The following EGFR variants were observed in gnomAD, a reference collection of about 807,000 sequenced individuals.
EGFR encodes avian erythroblastic leukemia viral (v-erb-b) oncogene homolog.
In EGFR, 58 loss-of-function variants were observed where a neutral mutation model predicts 143.0. That is an observed-to-expected ratio of 0.41 (90% confidence interval 0.33 to 0.50). The LOEUF is 0.50. Among genes scored for constraint, EGFR ranks in the 20% least tolerant of loss-of-function variants. The probability of loss-of-function intolerance (pLI) is 0.39; values close to 1 mark genes in which losing one functional copy is unlikely to be tolerated. For synonymous variants in EGFR, 613 were observed against 594.4 expected, an observed-to-expected ratio of 1.03 and a Z score of -0.45; for missense variants, 1,307 against 1,579.0, an observed-to-expected ratio of 0.83 and a Z score of 2.92.
At chr7:55,157,461 G>GAGGCAGC (rs1432999667) in intron 10 of EGFR, among the ~76,000 whole-genome samples, 1 of 152,226 alleles carries the variant, frequency 6.6e-6, no homozygotes, top group Non-Finnish European at 1.5e-5. Flanking sequence ...CGGAAGGCGG[G>GAGGCAGC]AGGCAGCTGT....
chr7:55,091,642 C>G (rs1013712086), intron 1 of EGFR, among the ~76,000 whole-genome samples: 1 of 152,174 alleles, frequency 6.6e-6, no homozygotes, highest in African/African-American at 2.4e-5. Flanking sequence ...ATTGACAATA[C>G]AAGTCCCTAC....
chr7:55,191,597 G>A (rs1013711776), intron 20 of EGFR, 122 bp from the exon 21 acceptor site: 107 of 1,331,708 alleles, frequency 8.0e-5, no homozygotes, highest in Non-Finnish European at 1.1e-4. Flanking sequence ...ACTAACGTTC[G>A]CCAGCCATAA....
rs1222272664 is a variant in EGFR at position 55,205,689 on chromosome 7, C to G, written c.*72C>G. 1.2e-6 allele frequency: 2 copies of G among 1,609,842 alleles called. No homozygotes were observed. Among genetic ancestry groups the G allele is most frequent in the Non-Finnish European group, 8.5e-7 (1 of 1,177,420 alleles). ...CCAGGACCAAGCCACAGCAGGTCCTCCATCCCAACAGCCATGCCCGCATTA... is the reference window on the plus strand; with the variant it reads ...CCAGGACCAAGCCACAGCAGGTCCTGCATCCCAACAGCCATGCCCGCATTA... On this transcript the variant is annotated 3_prime_UTR_variant, in exon 28 of 28. Transcript: ENST00000275493.
At chr7:55,052,999 G>A (rs1282885278) in intron 1 of EGFR, among the ~76,000 whole-genome samples, 1 of 152,102 alleles carries the variant, frequency 6.6e-6, no homozygotes, top group African/African-American at 2.4e-5. Flanking sequence ...TTGATTCCCA[G>A]CATTGGGAGA....
chr7:55,060,729 G>T (rs776579164), intron 1 of EGFR, among the ~76,000 whole-genome samples: 1 of 152,174 alleles, frequency 6.6e-6, no homozygotes, highest in African/African-American at 2.4e-5. Flanking sequence ...ATTTGGCCTT[G>T]CTCCCAGTAT....
At chr7:55,157,010 C>T (rs1278074152) in intron 10 of EGFR, 178 bp downstream of exon 10, 3 of 1,442,256 alleles carry the variant, frequency 2.1e-6, no homozygotes, top group Non-Finnish European at 9.2e-7. Context: ...AAAGGGGACA[C>T]GTTAAGTCCA....
At chr7:55,112,907 G>A (rs1276118061) in intron 1 of EGFR, among the ~76,000 whole-genome samples, 1 of 152,192 alleles carries the variant, frequency 6.6e-6, no homozygotes, top group Non-Finnish European at 1.5e-5. Flanking sequence ...CCAGGTTCCA[G>A]CCTTTGTCTT....
intron 1 of EGFR, among the ~76,000 whole-genome samples, chr7:55,102,215 C>T (rs1791876271): frequency 6.6e-6 from 1 of 152,148 alleles, no homozygotes; most frequent in African/African-American, 2.4e-5. Flanking sequence ...CCTGTAAGAC[C>T]CCTACTGGAA....
chr7:55,146,690 G>T lies in EGFR; in HGVS notation c.509G>T (p.Ser170Ile), dbSNP rs758945260. Reference sequence around the variant, plus strand: ...ATCCAGTGGCGGGACATAGTCAGCAGTGACTTTCTCAGCAACATGTCGATG... The same window carrying T: ...ATCCAGTGGCGGGACATAGTCAGCATTGACTTTCTCAGCAACATGTCGATG... ...ESIQWRDIVS[S>I]DFLSNMSMDF... The change falls in exon 4 of 28, where the codon AGT becomes ATT. Residue 170 changes from serine to isoleucine, a missense_variant. Transcript: ENST00000275493. 1.8e-5 allele frequency: 29 copies of T among 1,614,116 alleles called. No individual in the cohort carries two copies. Among genetic ancestry groups the T allele is most frequent in the Non-Finnish European group, 2.3e-5 (27 of 1,179,980 alleles).
At position 55,069,185 on chromosome 7, in the gene EGFR, T is replaced by C. The variant is rs552828656; in HGVS notation, c.88+49820T>C. On this transcript the variant is annotated intron_variant, in intron 1 of 27. Coordinates refer to ENST00000275493, the MANE Select transcript of EGFR (RefSeq NM_005228.5). ...AGCAAATGCTCTATGGTTAATTTTT[T>C]TCTAAAATTCAGATAATTAAGACAA... 5.6e-4 allele frequency among the ~76,000 whole-genome samples: 86 copies of C among 152,338 alleles called. 1 individual carries two copies. The highest frequency in any genetic ancestry group is 2.0e-3 in the African/African-American group (82 of 41,574).
intron 1 of EGFR, among the ~76,000 whole-genome samples, chr7:55,025,913 G>T (rs1278257751): frequency 6.6e-6 from 1 of 152,344 alleles, no homozygotes; most frequent in African/African-American, 2.4e-5. Flanking sequence ...GGGATCTCTT[G>T]TTCCCTGCTT....
intron 1 of EGFR, among the ~76,000 whole-genome samples, chr7:55,053,748 T>C (rs1433880202): frequency 3.9e-5 from 6 of 152,246 alleles, no homozygotes; most frequent in African/African-American, 1.2e-4. Flanking sequence ...ACCCAGCCGC[T>C]GCTTTGTCGC....
intron 1 of EGFR, among the ~76,000 whole-genome samples, chr7:55,056,704 C>T (rs1788845263): frequency 6.6e-6 from 1 of 152,132 alleles, no homozygotes; most frequent in African/African-American, 2.4e-5. Flanking sequence ...TTCTTGAAGG[C>T]AATATTTGTT....
intron 1 of EGFR, among the ~76,000 whole-genome samples, chr7:55,046,616 G>T (rs1162941631): frequency 6.6e-6 from 1 of 151,814 alleles, no homozygotes; most frequent in Admixed American, 6.6e-5. Flanking sequence ...GCATTCTGAG[G>T]TCAAACATGC....
intron 1 of EGFR, among the ~76,000 whole-genome samples, chr7:55,046,651 C>G (rs76766943): frequency 0.012 from 1,859 of 151,626 alleles, 28 homozygotes; most frequent in African/African-American, 0.042. Flanking sequence ...ATCTGCACTA[C>G]GCTTCTCGTA....
At chr7:55,072,644 A>C (rs1315958288) in intron 1 of EGFR, among the ~76,000 whole-genome samples, 1 of 152,186 alleles carries the variant, frequency 6.6e-6, no homozygotes, top group Non-Finnish European at 1.5e-5. Flanking sequence ...CACTAATAGG[A>C]CCAACAGTGG....
chr7:55,203,140 C>T (rs1250416799), intron 27 of EGFR: 1 of 246,596 alleles, frequency 4.1e-6, no homozygotes, highest in African/African-American at 2.2e-5. Flanking sequence ...TATACACACA[C>T]CACACACATA....
intron 15 of EGFR, among the ~76,000 whole-genome samples, chr7:55,166,097 G>A (rs1785964806): frequency 6.6e-6 from 1 of 152,056 alleles, no homozygotes; most frequent in South Asian, 2.1e-4. Flanking sequence ...GTTGCAGTGA[G>A]CCAAGATCTC....
intron 1 of EGFR, among the ~76,000 whole-genome samples, chr7:55,134,522 C>T (rs1165276858): frequency 6.6e-6 from 1 of 152,224 alleles, no homozygotes; most frequent in Non-Finnish European, 1.5e-5. Flanking sequence ...CCTGCCAGGG[C>T]AAAGGGTGCT....
Sources: gnomAD v4.1 joint callset for allele counts (sites outside exome capture counted in the v4.1 genomes callset) on GRCh38, gnomAD v4.1.1 for gene constraint, MANE v1.5 for transcripts, NCBI Gene and HGNC (gene_info 2026-07-23, HGNC 2026-07-21) for gene names.